The following IFI16 variants were observed in gnomAD, a reference collection of about 807,000 sequenced individuals.
IFI16 encodes gamma-interferon-inducible protein 16.
IFI16 carries 49 observed loss-of-function variants against 68.4 expected under a neutral mutation model. The ratio of observed to expected loss-of-function variants is 0.72; its 90% CI spans 0.57 to 0.91. The LOEUF is 0.91. Ranked by LOEUF, IFI16 falls within the 40% of genes least tolerant of loss-of-function variation. The pLI is 0.00. For synonymous variants in IFI16, 307 were observed against 315.0 expected (o/e 0.97, Z 0.27); for missense variants, 878 against 942.9 (o/e 0.93, Z 0.90).
Position 159,018,232 on chromosome 1 carries a change from C to T in IFI16, c.553C>T (p.Pro185Ser). The change falls in exon 5 of 12, where the codon CCG becomes TCG. Residue 185 changes from proline to serine, a missense_variant. By Grantham distance (74) the Pro-to-Ser change is moderately conservative (BLOSUM62 -1). Coordinates refer to ENST00000295809, the MANE Select transcript of IFI16 (RefSeq NM_001376587.1). ...APPNSSSTEN[P>S]KTVAKCQVTP... ...TCTCCTGTGCTATCATACACAGAACCCGAAAACAGTGGCCAAATGTCAGGT... is the reference window on the plus strand; with the variant it reads ...TCTCCTGTGCTATCATACACAGAACTCGAAAACAGTGGCCAAATGTCAGGT... 6.2e-7 allele frequency: 1 copy of T among 1,612,788 alleles called. No individual in the cohort carries two copies.
chr1:159,012,041 T>G (rs996504006), intron 1 of IFI16, among the ~76,000 whole-genome samples: 1 of 152,170 alleles, frequency 6.6e-6, no homozygotes, highest in Non-Finnish European at 1.5e-5. Flanking sequence ...TGTAAGACAT[T>G]AGGAACACCT....
chr1:159,018,168 T>C, intron 4 of IFI16, 61 bp from the exon 5 acceptor site: 1 of 1,410,402 alleles, frequency 7.1e-7, no homozygotes, highest in Middle Eastern at 1.8e-4. Flanking sequence ...GGTCACTGAA[T>C]AGCAGTTCTG....
chr1:159,019,586 G>A (rs991262774), intron 5 of IFI16, among the ~76,000 whole-genome samples: 3 of 151,880 alleles, frequency 2.0e-5, no homozygotes, highest in Non-Finnish European at 2.9e-5. Context: ...AGCTTCCCAA[G>A]TAGCTGGGAC....
chr1:159,025,203 G>A (rs943726356), intron 6 of IFI16, among the ~76,000 whole-genome samples: 1 of 152,088 alleles, frequency 6.6e-6, no homozygotes, highest in Admixed American at 6.5e-5. Context: ...GCTCAGCGCC[G>A]CCCAAGGGAT....
At chr1:159,052,219 C>T (rs1279790740) in intron 10 of IFI16, 121 bp downstream of exon 10, 1 of 684,544 alleles carries the variant, frequency 1.5e-6, no homozygotes, top group Non-Finnish European at 2.5e-6. Flanking sequence ...TTCACCCTTC[C>T]CCCAGCACTA....
At chr1:159,048,308 ACAC>A (rs1655120197) in intron 8 of IFI16, among the ~76,000 whole-genome samples, 1 of 151,466 alleles carries the variant, frequency 6.6e-6, no homozygotes, top group African/African-American at 2.4e-5. Flanking sequence ...ATTCTTTATA[ACAC>A]CATACAAAAA....
upstream of IFI16, among the ~76,000 whole-genome samples, chr1:159,003,712 G>A (rs1557857903): frequency 6.6e-6 from 1 of 152,120 alleles, no homozygotes; most frequent in Non-Finnish European, 1.5e-5. Context: ...CCAGGCTGGA[G>A]TGCAGTGGCA....
At chr1:159,017,605 A>ATTG (rs3048686) in intron 4 of IFI16, among the ~76,000 whole-genome samples, 3 of 150,188 alleles carry the variant, frequency 2.0e-5, no homozygotes, top group East Asian at 2.0e-4. Context: ...TTATTTATTT[A>ATTG]TTGTTGTTGT....
chr1:159,033,222 C>A (rs1441848472), intron 7 of IFI16, among the ~76,000 whole-genome samples: 6 of 152,152 alleles, frequency 3.9e-5, no homozygotes, highest in South Asian at 2.1e-4. Flanking sequence ...CTCGCTGATA[C>A]AAGATACTGG....
At chr1:159,007,155 GA>G (rs1652291077), upstream of IFI16, among the ~76,000 whole-genome samples, 1 of 152,170 alleles carries the variant, frequency 6.6e-6, no homozygotes, top group African/African-American at 2.4e-5. Flanking sequence ...GCCATTATCT[GA>G]AATGCATGGT....
intron 6 of IFI16, among the ~76,000 whole-genome samples, chr1:159,026,728 G>A (rs140928344): frequency 0.012 from 1,858 of 152,210 alleles, 31 homozygotes; most frequent in African/African-American, 0.042. Context: ...TCACCTCCTT[G>A]GTTAGATATA....
intron 1 of IFI16, among the ~76,000 whole-genome samples, chr1:159,011,211 C>T (rs1350519918): frequency 6.6e-6 from 1 of 152,082 alleles, no homozygotes; most frequent in Non-Finnish European, 1.5e-5. Context: ...TGGCGAAACC[C>T]TGTCTCTATT....
chr1:159,020,843 CGTCGT>C (rs1653265853), intron 6 of IFI16, among the ~76,000 whole-genome samples: 3 of 63,236 alleles, frequency 4.7e-5, no homozygotes, highest in South Asian at 7.9e-4. Context: ...AATTAGAAAA[CGTCGT>C]GTGTGTGTGT....
exon 1 of IFI16, chr1:159,000,303 T>C (rs925980508): frequency 8.1e-6 from 2 of 247,352 alleles, no homozygotes; most frequent in African/African-American, 2.3e-5. Context: ...TCCTTATATT[T>C]ACTCTCCATC....
intron 6 of IFI16, among the ~76,000 whole-genome samples, chr1:159,024,757 T>C (rs1366585750): frequency 2.0e-5 from 3 of 152,150 alleles, no homozygotes; most frequent in African/African-American, 7.2e-5. Flanking sequence ...TAAGGTGAGT[T>C]AGACTTAGTT....
chr1:159,008,456 C>T (rs1652347963), upstream of IFI16, among the ~76,000 whole-genome samples: 1 of 152,122 alleles, frequency 6.6e-6, no homozygotes, highest in South Asian at 2.1e-4. Context: ...GAGCATTGTC[C>T]TGAGTTGCCC....
upstream of IFI16, among the ~76,000 whole-genome samples, chr1:159,006,902 T>C (rs1253576394): frequency 6.6e-6 from 1 of 152,220 alleles, no homozygotes; most frequent in Non-Finnish European, 1.5e-5. Context: ...TCCGTAATTT[T>C]GTGTTATTTC....
intron 7 of IFI16, among the ~76,000 whole-genome samples, chr1:159,041,510 T>C (rs951306638): frequency 1.3e-5 from 2 of 152,194 alleles, no homozygotes; most frequent in Non-Finnish European, 1.5e-5. Flanking sequence ...CCTGTATGTG[T>C]ACTCATTTGA....
chr1:159,015,940 A>T lies in IFI16; in HGVS notation c.334A>T (p.Ser112Cys). ...VDATSPAPST[S>C]STVKTEGAEA... ...TGCTACTTCACCTGCACCCTCCACA[A>T]GCAGCACTGTCAAAACTGAAGGAGC... Residue 112 changes from serine (S) to cysteine (C), a missense_variant, in exon 3 of 12, where the codon AGC (serine) becomes TGC (cysteine). By Grantham distance (112) the Ser-to-Cys change is moderately radical (BLOSUM62 -1). Around this residue, in one of 4 missense-constraint regions of IFI16, gnomAD observed 443 missense variants for 421.8 expected, o/e 1.05. Coordinates refer to ENST00000295809, the MANE Select transcript of IFI16 (RefSeq NM_001376587.1). 1 of 1,614,212 alleles carries T rather than the reference A, an allele frequency of 6.2e-7. No individual in the cohort carries two copies. Among genetic ancestry groups the T allele is most frequent in the Non-Finnish European group, 8.5e-7 (1 of 1,180,010 alleles).
Sources: gnomAD v4.1 joint callset for allele counts (sites outside exome capture counted in the v4.1 genomes callset) on GRCh38, gnomAD v4.1.1 for gene constraint, gnomAD v4.1.1 regional missense constraint, MANE v1.5 for transcripts, NCBI Gene and HGNC (gene_info 2026-07-23, HGNC 2026-07-21) for gene names.